KDM5A: variants seen among roughly 807,000 people sequenced by gnomAD.
The protein encoded by KDM5A is lysine-specific demethylase 5A.
KDM5A carries 42 observed loss-of-function variants against 193.5 expected under a neutral mutation model. The observed-to-expected ratio is 0.22, with a 90% CI of 0.17 to 0.28. The LOEUF (loss-of-function observed/expected upper bound fraction) is 0.28, where lower values mean the gene tolerates loss of function less well. Among genes scored for constraint, KDM5A ranks in the 10% least tolerant of loss-of-function variants. The pLI is 1.00. For missense variants in KDM5A, 1,692 were observed against 2,055.1 expected (o/e 0.82, Z 3.42); for synonymous variants, 796 against 718.1 (o/e 1.11, Z -1.73).
chr12:342,804 G>A (rs1165740314), intron 10 of KDM5A, among the ~76,000 whole-genome samples: 1 of 151,918 alleles, frequency 6.6e-6, no homozygotes, highest in African/African-American at 2.4e-5. Flanking sequence ...CCTGGGGAGG[G>A]GCGTTCCAAG....
intron 5 of KDM5A, among the ~76,000 whole-genome samples, chr12:360,291 T>C (rs1944278957): frequency 6.6e-6 from 1 of 150,660 alleles, no homozygotes; most frequent in Non-Finnish European, 1.5e-5. Context: ...AAAGACAAGA[T>C]TTGAGAGTTC....
At chr12:320,515 A>G (rs1473892365) in intron 18 of KDM5A, among the ~76,000 whole-genome samples, 1 of 152,146 alleles carries the variant, frequency 6.6e-6, no homozygotes, top group Non-Finnish European at 1.5e-5. Flanking sequence ...AAACAAAAAT[A>G]AAAAACACTA....
At chr12:355,562 A>T (rs1450955696) in intron 6 of KDM5A, among the ~76,000 whole-genome samples, 1 of 152,216 alleles carries the variant, frequency 6.6e-6, no homozygotes, top group African/African-American at 2.4e-5. Flanking sequence ...TACTTGGAGG[A>T]ACTCCCAAAT....
intron 27 of KDM5A, among the ~76,000 whole-genome samples, chr12:291,939 G>A (rs1347331658): frequency 9.3e-6 from 1 of 107,250 alleles, no homozygotes; most frequent in African/African-American, 3.6e-5. Context: ...TTTTGCTCTT[G>A]TGGCCCAGGC....
intron 8 of KDM5A, among the ~76,000 whole-genome samples, chr12:352,603 G>A (rs1944177445): frequency 1.3e-5 from 2 of 152,150 alleles, no homozygotes; most frequent in African/African-American, 4.8e-5. Context: ...AGCATCTAAA[G>A]GACTACTGAC....
intron 3 of KDM5A, among the ~76,000 whole-genome samples, chr12:373,821 CTTCAT>C (rs1379560506): frequency 5.3e-5 from 8 of 152,118 alleles, no homozygotes; most frequent in African/African-American, 1.9e-4. Context: ...TTATTTCTGC[CTTCAT>C]TTCGTTATGT....
intron 27 of KDM5A, among the ~76,000 whole-genome samples, chr12:287,234 G>A (rs138739225): frequency 2.0e-5 from 3 of 152,254 alleles, no homozygotes; most frequent in Non-Finnish European, 4.4e-5. Flanking sequence ...AAATGTAGCT[G>A]GGACCCATCA....
chr12:313,466 G>A (rs758631222), intron 19 of KDM5A, among the ~76,000 whole-genome samples: 2 of 151,874 alleles, frequency 1.3e-5, no homozygotes, highest in Non-Finnish European at 2.9e-5. Flanking sequence ...TATTTTCCCC[G>A]GTCATTTAGT....
intron 3 of KDM5A, among the ~76,000 whole-genome samples, chr12:367,605 G>A (rs57588102): frequency 1.1e-3 from 163 of 152,244 alleles, no homozygotes; most frequent in African/African-American, 3.8e-3. Flanking sequence ...AGGAGGCTGA[G>A]GCCCAAGAAT....
At chr12:312,177 T>C (rs1309304982) in intron 20 of KDM5A, among the ~76,000 whole-genome samples, 1 of 152,230 alleles carries the variant, frequency 6.6e-6, no homozygotes, top group Non-Finnish European at 1.5e-5. Context: ...GTTTTTATGA[T>C]TCGAGTACAC....
intron 10 of KDM5A, among the ~76,000 whole-genome samples, chr12:346,498 G>A (rs181144516): frequency 6.6e-6 from 1 of 152,246 alleles, no homozygotes; most frequent in Admixed American, 6.5e-5. Context: ...GATGAACATC[G>A]ATGTGAAAAT....
At chr12:363,300 G>A (rs1944315394) in intron 4 of KDM5A, among the ~76,000 whole-genome samples, 1 of 152,022 alleles carries the variant, frequency 6.6e-6, no homozygotes, top group African/African-American at 2.4e-5. Flanking sequence ...AAATTTATTT[G>A]GAAATATAAG....
At chr12:358,084 A>C (rs1009214866) in intron 5 of KDM5A, among the ~76,000 whole-genome samples, 2 of 152,158 alleles carry the variant, frequency 1.3e-5, no homozygotes, top group Non-Finnish European at 2.9e-5. Context: ...ATTTGTTATT[A>C]ATGTTTAAGC....
Position 285,517 on chromosome 12 carries a change from G to A in KDM5A, c.5012C>T (p.Pro1671Leu), listed in dbSNP as rs1943210222. The A allele has an allele frequency of 6.2e-7, 1 of 1,613,880 alleles. No individual in the cohort carries two copies. Among genetic ancestry groups the A allele is most frequent in the Admixed American group, 1.7e-5 (1 of 59,978 alleles). ...KQGPVSPGPA[P>L]PPSFIMSYKL... ...GTAGCTCATTATGAAGGAAGGAGGT[G>A]GTGCTGGACCTGGGCTAACTGGCCC... Residue 1671 changes from proline (P) to leucine (L), a missense_variant, in exon 28 of 28, where the codon CCA becomes CTA. This residue lies in a region of KDM5A where 41 missense variants were observed against 36.3 expected (regional missense o/e 1.13). Transcript: ENST00000399788.
intron 15 of KDM5A, 149 bp downstream of exon 15, chr12:323,451 C>CTTTA: frequency 1.1e-6 from 1 of 926,232 alleles, no homozygotes; most frequent in South Asian, 1.6e-5. Context: ...TTAGGGCCAA[C>CTTTA]TTTAAGGGAC....
At chr12:286,190 C>T (rs374407213) in intron 27 of KDM5A, 9 of 506,620 alleles carry the variant, frequency 1.8e-5, no homozygotes, top group Admixed American at 1.7e-4. Context: ...TCTCTTCTTC[C>T]GTTACAAATA....
intron 3 of KDM5A, among the ~76,000 whole-genome samples, chr12:374,662 C>T (rs1944478213): frequency 6.6e-6 from 1 of 152,164 alleles, no homozygotes; most frequent in Non-Finnish European, 1.5e-5. Context: ...CAGTTTCTTC[C>T]TGGCATCGAT....
Position 281,223 on chromosome 12 carries a change from G to C in KDM5A, c.*4233C>G, listed in dbSNP as rs1439596534. The C allele has an allele frequency of 4.3e-6, 1 of 232,840 alleles. No homozygotes were observed. Among genetic ancestry groups the C allele is most frequent in the Admixed American group, 5.6e-5 (1 of 17,758 alleles). The allele number at this position is 232,840 out of a possible 1,614,324, so 14.4% of individuals were successfully genotyped here. A position where few individuals can be genotyped will look rare whatever the true frequency, so the allele number is the denominator to read the frequency against. On this transcript the variant is annotated 3_prime_UTR_variant, in exon 28 of 28. Coordinates refer to ENST00000399788, the MANE Select transcript of KDM5A (RefSeq NM_001042603.3). The stretch of plus-strand genomic sequence containing the variant: ...GAAATCGAGTTATACTTTTCATAAG[G>C]CACCACCAATTACCCTGATAAATTG...
intron 13 of KDM5A, among the ~76,000 whole-genome samples, chr12:330,598 T>A (rs759910939): frequency 2.2e-4 from 33 of 152,304 alleles, no homozygotes; most frequent in Middle Eastern, 3.4e-3. Context: ...TTACCATGTA[T>A]CATAAACACT....
Sources: allele counts gnomAD v4.1 joint callset (sites outside exome capture counted in the v4.1 genomes callset), GRCh38; gene constraint gnomAD v4.1.1; regional missense constraint gnomAD v4.1.1; transcripts MANE v1.5; gene names NCBI Gene and HGNC (gene_info 2026-07-23, HGNC 2026-07-21).